The following PPAT variants were observed in gnomAD, a reference collection of about 807,000 sequenced individuals.
PPAT encodes phosphoribosyl pyrophosphate amidotransferase.
A neutral mutation model predicts 60.2 loss-of-function variants in PPAT; 20 were observed. The ratio of observed to expected loss-of-function variants is 0.33; its 90% CI spans 0.23 to 0.48. The LOEUF is 0.48. Among genes scored for constraint, PPAT ranks in the 20% least tolerant of loss-of-function variants. The pLI, the probability that PPAT is intolerant of heterozygous loss-of-function variation, is 0.99. For missense variants in PPAT, 349 were observed against 629.6 expected (o/e 0.55, Z 4.77); for synonymous variants, 194 against 215.1 (o/e 0.90, Z 0.86).
chr4:56,405,391 A>T (rs1010213801), intron 3 of PPAT, among the ~76,000 whole-genome samples: 1 of 152,234 alleles, frequency 6.6e-6, no homozygotes, highest in Admixed American at 6.5e-5. Context: ...TAGAATTGCC[A>T]AAATGATAGG....
intron 8 of PPAT, 75 bp downstream of exon 8, chr4:56,400,709 T>G: frequency 7.1e-7 from 1 of 1,406,710 alleles, no homozygotes; most frequent in Non-Finnish European, 9.5e-7. Flanking sequence ...GTTGATGAGT[T>G]TCTCTTTATA....
chr4:56,420,104 G>C, intron 1 of PPAT: 1 of 603,612 alleles, frequency 1.7e-6, no homozygotes, highest in Non-Finnish European at 2.1e-6. Context: ...CAGGTTCAAG[G>C]ATCCCTTTTC....
intron 1 of PPAT, among the ~76,000 whole-genome samples, chr4:56,432,560 C>A (rs1228504174): frequency 6.8e-6 from 1 of 147,802 alleles, no homozygotes; most frequent in African/African-American, 2.5e-5. Context: ...CCAAGGCGGG[C>A]AGATCACGAG....
At chr4:56,411,518 G>GTGT (rs1716463251) in intron 1 of PPAT, among the ~76,000 whole-genome samples, 1 of 152,162 alleles carries the variant, frequency 6.6e-6, no homozygotes, top group African/African-American at 2.4e-5. Flanking sequence ...TTGACGTGCT[G>GTGT]TGTTGTTAAA....
chr4:56,401,612 G>A lies in PPAT; in HGVS notation c.735-131C>T, dbSNP rs1323985453. The A allele has an allele frequency of 7.1e-5, 60 of 846,738 alleles. 2 individuals are homozygous for A. In the South Asian group the frequency reaches 1.0e-3, roughly 15 times the overall value. The allele number at this position is 846,738 out of a possible 1,614,324, so 52.5% of individuals were successfully genotyped here. A position where few individuals can be genotyped will look rare whatever the true frequency, so the allele number is the denominator to read the frequency against. On this transcript the variant is annotated intron_variant, in intron 6 of 10. Coordinates refer to ENST00000264220, the MANE Select transcript of PPAT (RefSeq NM_002703.5). ...ATTGATTCATTCAATATAAAATCTAGAAGTGACTTTTTAAAGTGGTATGTC... is the reference window on the plus strand; with the variant it reads ...ATTGATTCATTCAATATAAAATCTAAAAGTGACTTTTTAAAGTGGTATGTC...
chr4:56,425,383 TAGAG>T (rs1209998275), intron 1 of PPAT: 6 of 840,500 alleles, frequency 7.1e-6, no homozygotes, highest in South Asian at 5.5e-5. Context: ...TACATCCAGA[TAGAG>T]AAGAACTTAT....
In PPAT at chr4:56,406,490, C is replaced by G. The variant is rs751715541; in HGVS notation, c.402+5G>C. 5 of 1,608,058 alleles carry G rather than the reference C, an allele frequency of 3.1e-6. No homozygotes were observed. The African/African-American group carries it at 4.0e-5, about 13-fold the overall frequency. ...GGCCTAGGGAAAACAAACAAACAAA[C>G]GTACCTTTTTCCTTAATCGAGCAGC... On this transcript the variant is annotated splice_donor_5th_base_variant and intron_variant, in intron 3 of 10. Transcript: ENST00000264220.
At chr4:56,407,414 G>A (rs1465546561) in intron 2 of PPAT, among the ~76,000 whole-genome samples, 1 of 151,900 alleles carries the variant, frequency 6.6e-6, no homozygotes, top group Non-Finnish European at 1.5e-5. Context: ...CGCCTCCCAG[G>A]TTCAAACGAT....
intron 1 of PPAT, among the ~76,000 whole-genome samples, chr4:56,427,868 T>C (rs1038755043): frequency 2.0e-5 from 3 of 152,242 alleles, no homozygotes; most frequent in African/African-American, 7.2e-5. Context: ...ACAGAGAAGA[T>C]CTCTATTGTG....
intron 1 of PPAT, among the ~76,000 whole-genome samples, chr4:56,415,360 T>C (rs1716672681): frequency 6.6e-6 from 1 of 152,214 alleles, no homozygotes; most frequent in South Asian, 2.1e-4. Flanking sequence ...CATGTGTCAA[T>C]TGAGTTAAAA....
chr4:56,401,890 A>G (rs1233608031), intron 6 of PPAT, among the ~76,000 whole-genome samples: 3 of 152,202 alleles, frequency 2.0e-5, no homozygotes, highest in Non-Finnish European at 4.4e-5. Context: ...GTTTCATAGT[A>G]TCTTGAAAGA....
At chr4:56,425,596 TC>T (rs1235485322) in intron 1 of PPAT, 3 of 154,488 alleles carry the variant, frequency 1.9e-5, no homozygotes, top group Admixed American at 1.3e-4. Context: ...GGTCTCCTGT[TC>T]CTGGCACAAA....
Position 56,423,011 on chromosome 4 carries a change from T to C in PPAT, c.128+12339A>G, listed in dbSNP as rs575336857. ...GTTTGAGAATCATTACCCTCTGGTA[T>C]AGGGCACTAAGGGTTTGGAGGTGAG... is the stretch of plus-strand genomic sequence containing the variant. On this transcript the variant is annotated intron_variant, in intron 1 of 10. Coordinates refer to ENST00000264220, the MANE Select transcript of PPAT (RefSeq NM_002703.5). 3.4e-4 allele frequency: 52 copies of C among 152,296 alleles called. 1 individual carries two copies. The highest frequency in any genetic ancestry group is 1.3e-3 in the African/African-American group (52 of 41,564). 9.4% of individuals were successfully genotyped at this position (152,296 alleles called of 1,614,324 possible). A position where few individuals can be genotyped will look rare whatever the true frequency, so the allele number is the denominator to read the frequency against.
chr4:56,400,718 T>G, intron 8 of PPAT, 66 bp downstream of exon 8: 2 of 1,455,534 alleles, frequency 1.4e-6, no homozygotes, highest in Non-Finnish European at 1.9e-6. Flanking sequence ...TTTCTCTTTA[T>G]AGGCAAGGGT....
chr4:56,409,877 T>C (rs184605843), intron 1 of PPAT, among the ~76,000 whole-genome samples: 104 of 152,342 alleles, frequency 6.8e-4, no homozygotes, highest in African/African-American at 2.4e-3. Context: ...CAGTGTTTTA[T>C]TAACGAGAAA....
At position 56,419,186 on chromosome 4, in the gene PPAT, A is replaced by G. The variant is rs567751409; in HGVS notation, c.129-11470T>C. On this transcript the variant is annotated intron_variant, in intron 1 of 10. Coordinates refer to ENST00000264220, the MANE Select transcript of PPAT (RefSeq NM_002703.5). ...AAAGGAAATCGTAAGATAAAGAAAA[A>G]AGAAAGGAGTTAAATTGTTTGTACC... Among the ~76,000 whole-genome samples, 10 of 152,340 alleles carry G rather than the reference A, an allele frequency of 6.6e-5. No individual in the cohort carries two copies. The South Asian group carries it at 2.1e-3, about 32-fold the overall frequency.
Position 56,396,872 on chromosome 4 carries a change from G to T in PPAT, c.1237-133C>A. ...GGTAATAAATTATTCTTTCTACAAA[G>T]CTGCTTCTTGGTTTTTTTTTTCTTT... On this transcript the variant is annotated intron_variant, in intron 9 of 10. Coordinates refer to ENST00000264220, the MANE Select transcript of PPAT (RefSeq NM_002703.5). The surrounding 1 kb of genome is among the most constrained non-coding windows in gnomAD (Gnocchi z 4.6). The T allele has an allele frequency of 2.3e-6, 2 of 877,800 alleles. No individual in the cohort carries two copies. The highest frequency in any genetic ancestry group is 1.6e-6 in the Non-Finnish European group (1 of 625,006). The allele number at this position is 877,800 out of a possible 1,614,324, so 54.4% of individuals were successfully genotyped here.
At chr4:56,419,721 G>C (rs1218919805) in intron 1 of PPAT, 1 of 982,650 alleles carries the variant, frequency 1.0e-6, no homozygotes, top group East Asian at 1.1e-4. Flanking sequence ...GGCTCTAATA[G>C]ACATCTGGTC....
rs1578110616 is a variant in PPAT, at chr4:56,394,018, T to C, written c.*1334A>G. The C allele has an allele frequency of 2.0e-5, 3 of 152,312 alleles. No individual in the cohort carries two copies. In the East Asian group the frequency reaches 5.8e-4, roughly 29 times the overall value. The allele number at this position is 152,312 out of a possible 1,614,324, so 9.4% of individuals were successfully genotyped here. On this transcript the variant is annotated 3_prime_UTR_variant, in exon 11 of 11. Coordinates refer to ENST00000264220, the MANE Select transcript of PPAT (RefSeq NM_002703.5). ...ACAAACAGTTTCAGTTATTAATAAA[T>C]ATTAAATTTCTAAATGGATCTGGAC...
Sources: allele counts gnomAD v4.1 joint callset (sites outside exome capture counted in the v4.1 genomes callset), GRCh38; gene constraint gnomAD v4.1.1; non-coding constraint Gnocchi (gnomAD v3.1); transcripts MANE v1.5; gene names NCBI Gene and HGNC (gene_info 2026-07-23, HGNC 2026-07-21).